The following RBFOX1 variants were observed in gnomAD, a reference collection of about 807,000 sequenced individuals.
RBFOX1 encodes RNA binding fox-1 homolog 1.
RBFOX1 carries 8 observed loss-of-function variants against 57.7 expected under a neutral mutation model. That is an observed-to-expected ratio of 0.14 (90% confidence interval 0.08 to 0.25). The LOEUF is 0.25. Ranked by LOEUF, RBFOX1 falls within the 10% of genes least tolerant of loss-of-function variation. RBFOX1 has a pLI of 1.00. For missense variants in RBFOX1, 611 were observed against 548.5 expected, an observed-to-expected ratio of 1.11 and a Z score of -1.14; for synonymous variants, 326 against 222.4, an observed-to-expected ratio of 1.47 and a Z score of -4.15.
In RBFOX1 at chr16:5,523,756, A is replaced by G. The variant is rs74448830; in HGVS notation, c.258+56502A>G. 7.0e-3 allele frequency among the ~76,000 whole-genome samples: 1,060 copies of G among 152,324 alleles called. 21 individuals are homozygous for G. The highest frequency in any genetic ancestry group is 0.024 in the African/African-American group (994 of 41,564). On this transcript the variant is annotated intron_variant, in intron 2 of 2. Transcript: ENST00000585867. ...GTCTTCAATTTTTTGACAAATGTCT[A>G]TACTCTTTTTCATAACATTTCCTCT...
intron 1 of RBFOX1, among the ~76,000 whole-genome samples, chr16:5,421,700 A>G (rs2067333206): frequency 6.6e-6 from 1 of 152,250 alleles, no homozygotes; most frequent in Non-Finnish European, 1.5e-5. Context: ...TTTGAGTGGC[A>G]AAACAGATCC....
chr16:7,173,729 C>T (rs1453296576), intron 4 of RBFOX1, among the ~76,000 whole-genome samples: 1 of 152,202 alleles, frequency 6.6e-6, no homozygotes, highest in African/African-American at 2.4e-5. Context: ...TGTAAAGAAA[C>T]TAATTCCATA....
intron 3 of RBFOX1, among the ~76,000 whole-genome samples, chr16:6,962,838 C>T (rs58000749): frequency 0.023 from 3,256 of 143,920 alleles, 122 homozygotes; most frequent in African/African-American, 0.078. Flanking sequence ...GCACTCCAGC[C>T]TGGGCGGCAG....
At chr16:7,199,339 T>A (rs1602741866) in intron 4 of RBFOX1, among the ~76,000 whole-genome samples, 1 of 152,204 alleles carries the variant, frequency 6.6e-6, no homozygotes, top group African/African-American at 2.4e-5. Flanking sequence ...TTTTTTTCTG[T>A]TTTATCATTT....
At chr16:6,517,704 C>A (rs181751320) in intron 2 of RBFOX1, among the ~76,000 whole-genome samples, 83 of 152,324 alleles carry the variant, frequency 5.4e-4, no homozygotes, top group African/African-American at 2.0e-3. Flanking sequence ...TGATTACAAA[C>A]CCTGTCTTGC....
chr16:6,960,201 A>C (rs541635217), intron 3 of RBFOX1, among the ~76,000 whole-genome samples: 1 of 152,172 alleles, frequency 6.6e-6, no homozygotes, highest in Non-Finnish European at 1.5e-5. Flanking sequence ...GAGACAAGAG[A>C]AGGATAATCA....
At chr16:7,374,161 A>G (rs1292790041) in intron 4 of RBFOX1, among the ~76,000 whole-genome samples, 3 of 152,174 alleles carry the variant, frequency 2.0e-5, no homozygotes, top group African/African-American at 7.2e-5. Context: ...GGGTTTGCAG[A>G]TGATGTGGAA....
intron 3 of RBFOX1, among the ~76,000 whole-genome samples, chr16:5,779,215 C>G (rs1597217503): frequency 6.6e-6 from 1 of 152,174 alleles, no homozygotes; most frequent in Non-Finnish European, 1.5e-5. Context: ...CGTGTGCAGA[C>G]CAGACCCCTC....
intron 4 of RBFOX1, among the ~76,000 whole-genome samples, chr16:7,362,654 A>T (rs1044039885): frequency 1.3e-5 from 2 of 148,866 alleles, no homozygotes. Flanking sequence ...TAGTATGTGT[A>T]TGTTTTTTAT....
At position 7,713,259 on chromosome 16, in the gene RBFOX1, G is replaced by C. The variant is rs1430152887; in HGVS notation, c.*2514G>C. On this transcript the variant is annotated 3_prime_UTR_variant, in exon 16 of 16. Transcript: ENST00000550418. The stretch of plus-strand genomic sequence containing the variant: ...TGTATATCTGTCTTTAGAAATTAGT[G>C]TTTATATCACTTACAGTGGTTTGTG... 1 of 152,156 alleles carries C rather than the reference G, an allele frequency of 6.6e-6. No individual in the cohort carries two copies. Among genetic ancestry groups the C allele is most frequent in the Non-Finnish European group, 1.5e-5 (1 of 68,030 alleles). 9.4% of individuals were successfully genotyped at this position (152,156 alleles called of 1,614,324 possible). A position where few individuals can be genotyped will look rare whatever the true frequency, so the allele number is the denominator to read the frequency against.
chr16:5,898,515 C>G (rs2058222423), intron 4 of RBFOX1, among the ~76,000 whole-genome samples: 1 of 144,814 alleles, frequency 6.9e-6, no homozygotes, highest in African/African-American at 2.5e-5. Context: ...TAATAAGCAA[C>G]AGTAGCAGGG....
At chr16:5,675,460 C>T (rs1459903352) in intron 3 of RBFOX1, among the ~76,000 whole-genome samples, 1 of 152,198 alleles carries the variant, frequency 6.6e-6, no homozygotes, top group Admixed American at 6.5e-5. Flanking sequence ...GAACTCAGCT[C>T]ACGTGCCCAG....
intron 3 of RBFOX1, among the ~76,000 whole-genome samples, chr16:5,830,210 G>A (rs971532517): frequency 6.6e-6 from 1 of 151,926 alleles, no homozygotes; most frequent in East Asian, 1.9e-4. Flanking sequence ...CATTTGCCCC[G>A]CAGTTGGGCA....
intron 4 of RBFOX1, among the ~76,000 whole-genome samples, chr16:7,116,048 T>C (rs976230620): frequency 2.0e-5 from 3 of 152,192 alleles, no homozygotes; most frequent in African/African-American, 7.2e-5. Context: ...CTTTCTCATT[T>C]GGTTTTCATA....
intron 2 of RBFOX1, among the ~76,000 whole-genome samples, chr16:5,482,524 G>A (rs1043403842): frequency 6.6e-6 from 1 of 152,220 alleles, no homozygotes; most frequent in African/African-American, 2.4e-5. Context: ...GAAAGACAAA[G>A]CAGGCACTTA....
intron 2 of RBFOX1, among the ~76,000 whole-genome samples, chr16:5,579,906 C>A (rs1283683693): frequency 6.6e-6 from 1 of 151,836 alleles, no homozygotes; most frequent in Non-Finnish European, 1.5e-5. Flanking sequence ...ATTACAGGTG[C>A]CTGCCACCAC....
chr16:6,693,570 C>T (rs1164650359), intron 3 of RBFOX1, among the ~76,000 whole-genome samples: 2 of 151,746 alleles, frequency 1.3e-5, no homozygotes, highest in African/African-American at 4.8e-5. Flanking sequence ...CCATCACCAC[C>T]ATCATCATCG....
intron 4 of RBFOX1, among the ~76,000 whole-genome samples, chr16:7,460,157 T>G (rs192673387): frequency 1.4e-3 from 216 of 151,898 alleles, no homozygotes; most frequent in African/African-American, 5.0e-3. Context: ...TGTATTTGCT[T>G]ATCCTCTTAG....
intron 3 of RBFOX1, among the ~76,000 whole-genome samples, chr16:7,034,194 G>T (rs2043603707): frequency 6.6e-6 from 1 of 152,132 alleles, no homozygotes; most frequent in Non-Finnish European, 1.5e-5. Context: ...CCTGGCTCTG[G>T]TTTTTCCTAA....
Sources: gnomAD v4.1 joint callset for allele counts (sites outside exome capture counted in the v4.1 genomes callset) on GRCh38, gnomAD v4.1.1 for gene constraint, MANE v1.5 for transcripts, NCBI Gene and HGNC (gene_info 2026-07-23, HGNC 2026-07-21) for gene names.